Variants in NT5E observed in about 807,000 individuals in gnomAD.
NT5E encodes 5'-nucleotidase ecto.
A neutral mutation model predicts 55.1 loss-of-function variants in NT5E; 53 were observed. The observed-to-expected ratio is 0.96, with a 90% CI of 0.77 to 1.21. The LOEUF (loss-of-function observed/expected upper bound fraction) is 1.21, where lower values mean the gene tolerates loss of function less well. Among genes scored for constraint, NT5E ranks in the 50% most tolerant of loss-of-function variants. The pLI is 0.00. For synonymous variants in NT5E, 270 were observed against 278.4 expected (o/e 0.97, Z 0.30); for missense variants, 683 against 724.3 (o/e 0.94, Z 0.65).
At chr6:85,479,802 T>C (rs4431401) in intron 3 of NT5E, among the ~76,000 whole-genome samples, 70,561 of 151,948 alleles carry the variant, frequency 0.46, 17,800 homozygotes, top group Middle Eastern at 0.6. Flanking sequence ...CAGGCCATAG[T>C]GATAGAACCA....
At position 85,492,064 on chromosome 6, in the gene NT5E, G is replaced by C; in HGVS notation, c.1448G>C (p.Ser483Thr). 6.2e-7 allele frequency: 1 copy of C among 1,614,198 alleles called. No individual in the cohort carries two copies. Among genetic ancestry groups the C allele is most frequent in the Non-Finnish European group, 8.5e-7 (1 of 1,180,026 alleles). ...DVLCTKCRVP[S>T]YDPLKMDEVY... is the part of the protein sequence containing the mutation. Reference sequence around the variant, plus strand: ...CTTTGCACCAAGTGTCGAGTGCCCAGTTATGACCCTCTCAAAATGGACGAG... The same window carrying C: ...CTTTGCACCAAGTGTCGAGTGCCCACTTATGACCCTCTCAAAATGGACGAG... Residue 483 changes from serine (S) to threonine (T), a missense_variant, in exon 8 of 9, where the codon AGT becomes ACT. Physicochemically the swap from Ser to Thr is moderately conservative, Grantham distance 58. Coordinates refer to ENST00000257770, the MANE Select transcript of NT5E (RefSeq NM_002526.4).
In NT5E at chr6:85,495,697, CTGTG is replaced by C. The variant is rs1279293852; in HGVS notation, c.*1699_*1702del. 6.6e-6 allele frequency: 1 copy of C among 152,148 alleles called. No homozygotes were observed. Among genetic ancestry groups the C allele is most frequent in the Non-Finnish European group, 1.5e-5 (1 of 68,020 alleles). 9.4% of individuals were successfully genotyped at this position (152,148 alleles called of 1,614,324 possible). ...AGAACTTTTTTTAAGTTTCCTAAAT[CTGTG>C]TGTGTATTGTGAAGTGGTATAAGAA... On this transcript the variant is annotated 3_prime_UTR_variant, in exon 9 of 9. Coordinates refer to ENST00000257770, the MANE Select transcript of NT5E (RefSeq NM_002526.4).
intron 3 of NT5E, among the ~76,000 whole-genome samples, chr6:85,476,461 C>T (rs1431827548): frequency 5.9e-5 from 9 of 152,220 alleles, no homozygotes; most frequent in Admixed American, 2.0e-4. Flanking sequence ...TGTGCGGCCC[C>T]GCAGCAGCAT....
At chr6:85,484,466 C>T (rs569939025) in intron 3 of NT5E, among the ~76,000 whole-genome samples, 5 of 152,280 alleles carry the variant, frequency 3.3e-5, no homozygotes, top group Non-Finnish European at 5.9e-5. Flanking sequence ...GGGTGATGAG[C>T]AGCTCCCACA....
Position 85,458,288 on chromosome 6 carries a change from TG to T in NT5E, c.339+7811del, listed in dbSNP as rs1769026016. On this transcript the variant is annotated intron_variant, in intron 1 of 8. Coordinates refer to ENST00000257770, the MANE Select transcript of NT5E (RefSeq NM_002526.4). ...AAGCTCAGGTGTCAGAAGTTGTGAA[TG>T]TCTAGGGGGTTGTGGATCCCCAACC... 2.6e-5 allele frequency among the ~76,000 whole-genome samples: 4 copies of T among 152,348 alleles called. No homozygotes were observed. In the South Asian group the frequency reaches 8.3e-4, roughly 32 times the overall value.
At chr6:85,486,049 C>G (rs1769652292) in intron 4 of NT5E, among the ~76,000 whole-genome samples, 2 of 152,062 alleles carry the variant, frequency 1.3e-5, no homozygotes, top group South Asian at 4.1e-4. Flanking sequence ...ACTGGATATA[C>G]CAGCATTTAT....
intron 2 of NT5E, among the ~76,000 whole-genome samples, chr6:85,467,505 A>G (rs987984736): frequency 3.3e-5 from 5 of 152,336 alleles, no homozygotes; most frequent in East Asian, 3.9e-4. Context: ...TGACAAAAAC[A>G]GTATCTTTGT....
intron 7 of NT5E, chr6:85,491,258 C>T (rs1041264330): frequency 5.6e-6 from 2 of 354,392 alleles, no homozygotes; most frequent in Non-Finnish European, 1.1e-5. Context: ...GCTTCTGAAA[C>T]ACTTTTGTTA....
intron 3 of NT5E, chr6:85,471,706 A>G (rs1769312255): frequency 6.3e-6 from 1 of 159,902 alleles, no homozygotes. Context: ...TATATACCAT[A>G]CATATGAAAA....
chr6:85,467,101 G>A lies in NT5E; in HGVS notation c.381G>A (p.Leu127=). ...AATTTGATAATGGTGTGGAAGGACTGATCGAGCCACTCCTCAAAGAGGCCA... is the reference window on the plus strand; with the variant it reads ...AATTTGATAATGGTGTGGAAGGACTAATCGAGCCACTCCTCAAAGAGGCCA... ...NHEFDNGVEG[L]IEPLLKEAKF... Residue 127 remains leucine, a synonymous_variant, in exon 2 of 9, where the codon CTG becomes CTA. Coordinates refer to ENST00000257770, the MANE Select transcript of NT5E (RefSeq NM_002526.4). 1.2e-6 allele frequency: 2 copies of A among 1,614,122 alleles called. No individual in the cohort carries two copies. Among genetic ancestry groups the A allele is most frequent in the Non-Finnish European group, 1.7e-6 (2 of 1,180,032 alleles).
intron 3 of NT5E, among the ~76,000 whole-genome samples, chr6:85,484,484 T>G (rs1769609190): frequency 6.6e-6 from 1 of 152,128 alleles, no homozygotes; most frequent in Non-Finnish European, 1.5e-5. Flanking sequence ...ACATCTCCCC[T>G]TTGAGACAGA....
intron 7 of NT5E, chr6:85,491,174 G>T: frequency 2.1e-6 from 1 of 478,270 alleles, no homozygotes; most frequent in Non-Finnish European, 4.3e-6. Context: ...GGCACAGGGA[G>T]AAAACCTTTC....
chr6:85,490,616 A>T lies in NT5E; in HGVS notation c.1319A>T (p.His440Leu). ...AAGAAGGCCTTTGAGCATAGCGTGC[A>T]CCGCTACGGCCAGTCCACTGGAGAG... ...TLKKAFEHSV[H>L]RYGQSTGEFL... Residue 440 changes from histidine (H) to leucine (L), a missense_variant, in exon 7 of 9, where the codon CAC (histidine) becomes CTC (leucine). Coordinates refer to ENST00000257770, the MANE Select transcript of NT5E (RefSeq NM_002526.4). The T allele has an allele frequency of 6.2e-7, 1 of 1,614,166 alleles. No homozygotes were observed.
intron 4 of NT5E, among the ~76,000 whole-genome samples, 169 bp downstream of exon 4, chr6:85,485,601 C>T (rs961226109): frequency 1.3e-5 from 2 of 152,164 alleles, no homozygotes; most frequent in Admixed American, 6.5e-5. Context: ...TAAAACACAC[C>T]CAAATGCCAA....
At chr6:85,485,589 T>C (rs1769637066) in intron 4 of NT5E, among the ~76,000 whole-genome samples, 157 bp downstream of exon 4, 1 of 152,206 alleles carries the variant, frequency 6.6e-6, no homozygotes, top group Admixed American at 6.5e-5. Flanking sequence ...CATGGATAGA[T>C]TTAAAACACA....
Position 85,485,117 on chromosome 6 carries a change from G to A in NT5E, c.752-118G>A, listed in dbSNP as rs1392257375. 4 of 955,330 alleles carry A rather than the reference G, an allele frequency of 4.2e-6. No individual in the cohort carries two copies. In the Admixed American group the frequency reaches 5.9e-5, roughly 14 times the overall value. The allele number at this position is 955,330 out of a possible 1,614,324, so 59.2% of individuals were successfully genotyped here. Reference sequence around the variant, plus strand: ...GGCTCTGAAAGACTAGCTATGTAGAGCAACAGATGGCAAATCATCAATTTA... The same window carrying A: ...GGCTCTGAAAGACTAGCTATGTAGAACAACAGATGGCAAATCATCAATTTA... On this transcript the variant is annotated intron_variant, in intron 3 of 8. Coordinates refer to ENST00000257770, the MANE Select transcript of NT5E (RefSeq NM_002526.4).
Position 85,487,445 on chromosome 6 carries a change from C to T in NT5E, c.1060C>T (p.Arg354Cys), listed in dbSNP as rs200648774. Reference protein sequence around the residue: ...VYLDGSSQSCRFRECNMGNLI... With the variant: ...VYLDGSSQSCCFRECNMGNLI... ...TCTGGATGGCTCCTCTCAATCATGC[C>T]GCTTTAGAGAATGCAACATGGGCAA... Residue 354 changes from arginine (R) to cysteine (C), a missense_variant, in exon 5 of 9, where the codon CGC (arginine) becomes TGC (cysteine). Coordinates refer to ENST00000257770, the MANE Select transcript of NT5E (RefSeq NM_002526.4). 157 of 1,614,094 alleles carry T rather than the reference C, an allele frequency of 9.7e-5. 1 individual carries two copies. In the Middle Eastern group the frequency reaches 1.3e-3, roughly 14 times the overall value.
At chr6:85,453,302 GA>G (rs1768926030) in intron 1 of NT5E, among the ~76,000 whole-genome samples, 1 of 152,204 alleles carries the variant, frequency 6.6e-6, no homozygotes, top group Non-Finnish European at 1.5e-5. Context: ...CCATCTTGCA[GA>G]GGTTTTGTGA....
intron 3 of NT5E, among the ~76,000 whole-genome samples, chr6:85,472,966 T>C (rs1297098636): frequency 6.6e-6 from 1 of 152,120 alleles, no homozygotes; most frequent in African/African-American, 2.4e-5. Context: ...CTCATAAGAA[T>C]GATAAATATT....
Sources: allele counts gnomAD v4.1 joint callset (sites outside exome capture counted in the v4.1 genomes callset), GRCh38; gene constraint gnomAD v4.1.1; transcripts MANE v1.5; gene names NCBI Gene and HGNC (gene_info 2026-07-23, HGNC 2026-07-21).